Variants in MEF2B observed in about 807,000 individuals in gnomAD.
MEF2B encodes myocyte-specific enhancer factor 2B.
In MEF2B, 15 loss-of-function variants were observed where a neutral mutation model predicts 32.2. That is an observed-to-expected ratio of 0.47 (90% confidence interval 0.31 to 0.72). The LOEUF (loss-of-function observed/expected upper bound fraction) is 0.72, where lower values mean the gene tolerates loss of function less well. Among genes scored for constraint, MEF2B ranks in the 30% least tolerant of loss-of-function variants. The pLI, the probability that MEF2B is intolerant of heterozygous loss-of-function variation, is 0.05. For missense variants in MEF2B, 441 were observed against 511.5 expected (o/e 0.86, Z 1.33); for synonymous variants, 205 against 225.6 (o/e 0.91, Z 0.82).
chr19:19,156,690 C>T (rs1248892812), intron 1 of MEF2B, among the ~76,000 whole-genome samples: 1 of 152,080 alleles, frequency 6.6e-6, no homozygotes, highest in African/African-American at 2.4e-5. Context: ...CTTCCTCTGT[C>T]GCCCAGGCTG....
At position 19,147,062 on chromosome 19, in the gene MEF2B, G is replaced by A. The variant is rs1328582758; in HGVS notation, c.515C>T (p.Pro172Leu). The A allele has an allele frequency of 2.5e-6, 4 of 1,607,264 alleles. No individual in the cohort carries two copies. In the South Asian group the frequency reaches 4.4e-5, roughly 18 times the overall value. ...TGGGGGCCCGGCTTTGGGGGCTGCT[G>A]GTCGGAAGGGAGATGGGCGGCTCTG... ...PAQSRPSPFR[P>L]AAPKAGPPGL... Residue 172 changes from proline to leucine, a missense_variant, in exon 5 of 9, where the codon CCA (proline) becomes CTA (leucine). Transcript: ENST00000424583.
intron 1 of MEF2B, among the ~76,000 whole-genome samples, chr19:19,163,259 G>A (rs1236673156): frequency 1.3e-5 from 2 of 152,050 alleles, no homozygotes; most frequent in Non-Finnish European, 2.9e-5. Context: ...GGACTCAAGC[G>A]ATCATCCCAC....
intron 1 of MEF2B, among the ~76,000 whole-genome samples, chr19:19,154,847 G>T (rs557521523): frequency 6.6e-6 from 1 of 152,330 alleles, no homozygotes; most frequent in African/African-American, 2.4e-5. Context: ...ATCATGGGCG[G>T]CTGGAGAGAA....
rs529289239 is a variant in MEF2B, at chr19:19,155,311, G to A, written c.-29-4547C>T. On this transcript the variant is annotated intron_variant, in intron 1 of 8. Coordinates refer to ENST00000424583, the MANE Select transcript of MEF2B (RefSeq NM_001145785.2). Reference sequence around the variant, plus strand: ...TCACCAAGCCAACTCCTATCCAAACGTCAAAACCCAGTTCAAAAAACCCAT... The same window carrying A: ...TCACCAAGCCAACTCCTATCCAAACATCAAAACCCAGTTCAAAAAACCCAT... Among the ~76,000 whole-genome samples, 38 of 152,138 alleles carry A rather than the reference G, an allele frequency of 2.5e-4. No individual in the cohort carries two copies. In the East Asian group the frequency reaches 5.4e-3, roughly 22 times the overall value.
At chr19:19,157,294 A>G (rs2060126866) in intron 1 of MEF2B, 1 of 153,790 alleles carries the variant, frequency 6.5e-6, no homozygotes, top group Non-Finnish European at 1.5e-5. Flanking sequence ...CTGAGGACAC[A>G]GACAAGAATG....
At chr19:19,150,172 G>GA (rs2060062876) in intron 2 of MEF2B, among the ~76,000 whole-genome samples, 1 of 108,034 alleles carries the variant, frequency 9.3e-6, no homozygotes, top group Non-Finnish European at 1.9e-5. Context: ...GGGAGGGAAG[G>GA]AGGGAGGGAG....
At chr19:19,162,402 G>A (rs1217771647) in intron 1 of MEF2B, among the ~76,000 whole-genome samples, 1 of 152,204 alleles carries the variant, frequency 6.6e-6, no homozygotes, top group Non-Finnish European at 1.5e-5. Flanking sequence ...CTAAGTGCTG[G>A]GATTACGGGT....
At chr19:19,158,840 G>A (rs1314028361) in intron 1 of MEF2B, among the ~76,000 whole-genome samples, 2 of 152,060 alleles carry the variant, frequency 1.3e-5, no homozygotes, top group Admixed American at 6.6e-5. Flanking sequence ...GGAGTCTGAA[G>A]TGGGAGGATC....
At chr19:19,158,900 G>T in intron 1 of MEF2B, among the ~76,000 whole-genome samples, 1 of 151,826 alleles carries the variant, frequency 6.6e-6, no homozygotes, top group East Asian at 2.0e-4. Flanking sequence ...TCCTGTCACT[G>T]CACTCCAGCC....
At chr19:19,167,591 C>G (rs2060219847) in intron 1 of MEF2B, among the ~76,000 whole-genome samples, 1 of 152,172 alleles carries the variant, frequency 6.6e-6, no homozygotes, top group South Asian at 2.1e-4. Flanking sequence ...CATGTCTACA[C>G]TCACTGCACC....
intron 1 of MEF2B, among the ~76,000 whole-genome samples, chr19:19,153,522 TCTTGGCTCA>T (rs1194436560): frequency 2.6e-5 from 4 of 152,068 alleles, no homozygotes; most frequent in Non-Finnish European, 4.4e-5. Flanking sequence ...AGTGGCATGA[TCTTGGCTCA>T]CTGCAACCTC....
At chr19:19,167,425 G>A (rs919228856) in intron 1 of MEF2B, among the ~76,000 whole-genome samples, 3 of 151,748 alleles carry the variant, frequency 2.0e-5, no homozygotes, top group African/African-American at 7.3e-5. Context: ...AGGAGGCTGA[G>A]GCAGGAGGAT....
chr19:19,151,350 G>T lies in MEF2B; in HGVS notation c.-29-586C>A, dbSNP rs532467896. ...TCCAGCTCAGAGTCCTTGGGCCAGGGTGTGGGCCTGGCATCCACTTGGTGA... is the reference window on the plus strand; with the variant it reads ...TCCAGCTCAGAGTCCTTGGGCCAGGTTGTGGGCCTGGCATCCACTTGGTGA... On this transcript the variant is annotated intron_variant, in intron 1 of 8. Coordinates refer to ENST00000424583, the MANE Select transcript of MEF2B (RefSeq NM_001145785.2). Among the ~76,000 whole-genome samples, 31 of 152,232 alleles carry T rather than the reference G, an allele frequency of 2.0e-4. No individual in the cohort carries two copies. The South Asian group carries it at 4.8e-3, about 23-fold the overall frequency.
At chr19:19,163,056 C>G (rs1248739964) in intron 1 of MEF2B, among the ~76,000 whole-genome samples, 3 of 152,206 alleles carry the variant, frequency 2.0e-5, no homozygotes, top group African/African-American at 7.2e-5. Context: ...TGTGTCCAAC[C>G]CCGGGACACC....
chr19:19,152,722 C>T (rs1262043006), intron 1 of MEF2B, among the ~76,000 whole-genome samples: 1 of 152,156 alleles, frequency 6.6e-6, no homozygotes. Context: ...AGAAAGAAAT[C>T]CAGATTGTTC....
At position 19,170,039 on chromosome 19, in the gene MEF2B, C is replaced by A. The variant is rs111526423; in HGVS notation, c.-30+166G>T. 6.5e-3 allele frequency among the ~76,000 whole-genome samples: 992 copies of A among 152,226 alleles called. 5 individuals carry two copies. The highest frequency in any genetic ancestry group is 0.012 in the Admixed American group (185 of 15,282). On this transcript the variant is annotated intron_variant, in intron 1 of 8. Transcript: ENST00000424583. ...CACACACCCCTTGGAGACACAACCCCCTCCTGCCACAACCTCGGGGACTCA... is the reference window on the plus strand; with the variant it reads ...CACACACCCCTTGGAGACACAACCCACTCCTGCCACAACCTCGGGGACTCA...
chr19:19,149,156 A>T, intron 3 of MEF2B, 70 bp downstream of exon 3: 1 of 1,574,796 alleles, frequency 6.4e-7, no homozygotes, highest in Non-Finnish European at 8.7e-7. Flanking sequence ...GTGCAAACCA[A>T]GAGTCCCTGG....
At chr19:19,152,245 T>C (rs1336896833) in intron 1 of MEF2B, among the ~76,000 whole-genome samples, 1 of 151,242 alleles carries the variant, frequency 6.6e-6, no homozygotes. Context: ...CACCGCATCC[T>C]ACCCACCCCA....
chr19:19,166,112 G>A (rs1006372129), intron 1 of MEF2B, among the ~76,000 whole-genome samples: 1 of 152,034 alleles, frequency 6.6e-6, no homozygotes, highest in African/African-American at 2.4e-5. Flanking sequence ...GCACAGGAGT[G>A]GGCAGGCTTC....
Sources: allele counts gnomAD v4.1 joint callset (sites outside exome capture counted in the v4.1 genomes callset), GRCh38; gene constraint gnomAD v4.1.1; transcripts MANE v1.5; gene names NCBI Gene and HGNC (gene_info 2026-07-23, HGNC 2026-07-21).